Variants in HGF observed in about 807,000 individuals in gnomAD.
HGF encodes the protein hepatocyte growth factor, also known as fibroblast-derived tumor cytotoxic factor.
HGF carries 39 observed loss-of-function variants against 111.6 expected under a neutral mutation model. That is an observed-to-expected ratio of 0.35 (90% CI 0.27 to 0.46). The LOEUF (loss-of-function observed/expected upper bound fraction) is 0.46, where lower values mean the gene tolerates loss of function less well. HGF is among the 20% of genes least tolerant of loss of function. The pLI is 1.00. For missense variants in HGF, 735 were observed against 910.5 expected (o/e 0.81, Z 2.48); for synonymous variants, 285 against 294.8 (o/e 0.97, Z 0.34).
In HGF at chr7:81,711,496, T is replaced by C; in HGVS notation, c.1429A>G (p.Ile477Val). The change falls in exon 12 of 18, where the codon ATA becomes GTA. Residue 477 changes from isoleucine (I) to valine (V), a missense_variant. This residue lies in a region of HGF where 553 missense variants were observed against 685.6 expected (regional missense o/e 0.81). Transcript: ENST00000222390. ...TATTACTTACGGTCTAAATTGACTA[T>C]TGTAGGTGTGGTATCACCTTCACCT... ...SRCEGDTTPTIVNLDHPVISC... is the reference protein window; with the variant it reads ...SRCEGDTTPTVVNLDHPVISC... The C allele has an allele frequency of 6.8e-7, 1 of 1,461,646 alleles. No homozygotes were observed. The highest frequency in any genetic ancestry group is 9.5e-7 in the Non-Finnish European group (1 of 1,051,302). 90.5% of individuals were successfully genotyped at this position (1,461,646 alleles called of 1,614,324 possible).
intron 7 of HGF, among the ~76,000 whole-genome samples, chr7:81,738,124 G>A (rs571642204): frequency 6.6e-6 from 1 of 152,070 alleles, no homozygotes; most frequent in African/African-American, 2.4e-5. Context: ...TAACTAATGG[G>A]TACTAAGTTT....
Position 81,757,213 on chromosome 7 carries a change from C to A in HGF, c.458G>T (p.Ser153Ile). The change falls in exon 4 of 18, where the codon AGT (serine) becomes ATT (isoleucine). Residue 153 changes from serine to isoleucine, a missense_variant. Ser to Ile is a moderately radical substitution (Grantham distance 142). This residue lies in a region of HGF where 553 missense variants were observed against 685.6 expected (regional missense o/e 0.81). Coordinates refer to ENST00000222390, the MANE Select transcript of HGF (RefSeq NM_000601.6). The stretch of plus-strand genomic sequence containing the variant: ...CCTGTGTTCGTGTGGTATCATGGAA[C>A]TCCAGGGCTGACATTTGATGCCACT... ...TKSGIKCQPW[S>I]SMIPHEHSFL... 2 of 1,594,078 alleles carry A rather than the reference C, an allele frequency of 1.3e-6. No individual in the cohort carries two copies. Among genetic ancestry groups the A allele is most frequent in the Admixed American group, 3.3e-5 (2 of 59,990 alleles).
intron 8 of HGF, among the ~76,000 whole-genome samples, chr7:81,726,231 T>A (rs1790006494): frequency 6.6e-6 from 1 of 152,204 alleles, no homozygotes; most frequent in Non-Finnish European, 1.5e-5. Context: ...TTAATATTTT[T>A]TTCCTTCCAC....
At chr7:81,762,646 A>G (rs1584014830) in intron 2 of HGF, 61 bp downstream of exon 2, 1 of 1,184,676 alleles carries the variant, frequency 8.4e-7, no homozygotes, top group East Asian at 2.3e-5. Flanking sequence ...AAGACACATG[A>G]TTATAATACA....
chr7:81,725,846 C>G (rs752718077), intron 9 of HGF, 44 bp downstream of exon 9: 5 of 1,606,984 alleles, frequency 3.1e-6, no homozygotes, highest in Non-Finnish European at 4.3e-6. Context: ...TAGGCATTTC[C>G]CCTGAATTTA....
At chr7:81,735,370 A>G (rs1178793691) in intron 7 of HGF, among the ~76,000 whole-genome samples, 1 of 152,094 alleles carries the variant, frequency 6.6e-6, no homozygotes, top group Non-Finnish European at 1.5e-5. Flanking sequence ...AGAGACATCC[A>G]AGTAAAAGAT....
In HGF at chr7:81,752,279, A is replaced by C; in HGVS notation, c.483-17T>G. 1 of 1,611,928 alleles carries C rather than the reference A, an allele frequency of 6.2e-7. No homozygotes were observed. Among genetic ancestry groups the C allele is most frequent in the Admixed American group, 1.7e-5 (1 of 59,968 alleles). On this transcript the variant is annotated splice_polypyrimidine_tract_variant and intron_variant, in intron 4 of 17. Transcript: ENST00000222390. ...GGCAAAAAGCTAGTTTTAAAATGATAATCATTACAGTATAAGAGCATGCAA... is the reference window on the plus strand; with the variant it reads ...GGCAAAAAGCTAGTTTTAAAATGATCATCATTACAGTATAAGAGCATGCAA...
Position 81,743,417 on chromosome 7 carries a change from C to G in HGF, c.801G>C (p.Pro267=), listed in dbSNP as rs1788088901. 2 of 1,613,734 alleles carry G rather than the reference C, an allele frequency of 1.2e-6. No individual in the cohort carries two copies. The highest frequency in any genetic ancestry group is 3.3e-5 in the Admixed American group (2 of 59,992). ...DNYCRNPDGQ[P]RPWCYTLDPH... Reference sequence around the variant, plus strand: ...GGTCAAGAGTATAGCACCATGGCCTCGGCTGGCCATCGGGATTGCGGCAAT... The same window carrying G: ...GGTCAAGAGTATAGCACCATGGCCTGGGCTGGCCATCGGGATTGCGGCAAT... Residue 267 remains proline (P), a synonymous_variant, in exon 7 of 18, where the codon CCG becomes CCC. Coordinates refer to ENST00000222390, the MANE Select transcript of HGF (RefSeq NM_000601.6).
chr7:81,767,234 A>AT (rs935083006), intron 1 of HGF, among the ~76,000 whole-genome samples: 17 of 151,686 alleles, frequency 1.1e-4, no homozygotes, highest in East Asian at 5.8e-4. Flanking sequence ...TGGCCAAATG[A>AT]TTTTTTTTAA....
intron 6 of HGF, among the ~76,000 whole-genome samples, chr7:81,744,030 A>G (rs377706305): frequency 1.4e-4 from 22 of 152,222 alleles, no homozygotes; most frequent in African/African-American, 5.3e-4. Flanking sequence ...TTGCTACCAT[A>G]TCCCTTCTGC....
intron 7 of HGF, 53 bp from the exon 8 acceptor site, chr7:81,729,832 G>C: frequency 1.3e-6 from 2 of 1,551,676 alleles, no homozygotes; most frequent in Non-Finnish European, 1.8e-6. Context: ...CTTTGAAGAT[G>C]TCATTTGCCT....
chr7:81,727,387 A>G (rs1321331665), intron 8 of HGF, among the ~76,000 whole-genome samples: 1 of 152,076 alleles, frequency 6.6e-6, no homozygotes, highest in Admixed American at 6.6e-5. Context: ...TGGGTTAGAA[A>G]GTCAATAAGT....
intron 7 of HGF, among the ~76,000 whole-genome samples, chr7:81,734,643 C>G (rs1787766905): frequency 6.6e-6 from 1 of 152,036 alleles, no homozygotes; most frequent in Non-Finnish European, 1.5e-5. Context: ...AAAAAAAAAT[C>G]TGATTACTTC....
chr7:81,755,146 A>G (rs1788697885), intron 4 of HGF: 1 of 152,102 alleles, frequency 6.6e-6, no homozygotes, highest in African/African-American at 2.4e-5. Flanking sequence ...ATACAGATGT[A>G]GATATCAGGT....
chr7:81,760,726 T>C (rs1475940356), intron 2 of HGF, among the ~76,000 whole-genome samples: 2 of 141,270 alleles, frequency 1.4e-5, no homozygotes, highest in African/African-American at 5.3e-5. Context: ...TGTGTGTGAA[T>C]GAGGAGGATT....
At chr7:81,711,060 C>T (rs1317724800) in intron 12 of HGF, among the ~76,000 whole-genome samples, 3 of 152,168 alleles carry the variant, frequency 2.0e-5, no homozygotes, top group African/African-American at 7.2e-5. Flanking sequence ...GACTGTAGGG[C>T]ATGCAGAGAA....
intron 5 of HGF, chr7:81,750,852 T>C (rs1402325379): frequency 1.7e-6 from 1 of 583,656 alleles, no homozygotes; most frequent in Admixed American, 6.4e-5. Context: ...TTAAGACAAA[T>C]ATTAATTCGT....
intron 7 of HGF, among the ~76,000 whole-genome samples, chr7:81,730,196 C>A (rs566866445): frequency 2.1e-4 from 32 of 152,116 alleles, no homozygotes; most frequent in Middle Eastern, 3.2e-3. Context: ...TGCCTGTAAT[C>A]CCAGCACTTT....
At chr7:81,712,631 G>C (rs1194855428) in intron 11 of HGF, among the ~76,000 whole-genome samples, 1 of 152,160 alleles carries the variant, frequency 6.6e-6, no homozygotes, top group Non-Finnish European at 1.5e-5. Context: ...TAATGAATGA[G>C]ACACAAGACA....
Sources: gnomAD v4.1 joint callset for allele counts (sites outside exome capture counted in the v4.1 genomes callset) on GRCh38, gnomAD v4.1.1 for gene constraint, gnomAD v4.1.1 regional missense constraint, MANE v1.5 for transcripts, NCBI Gene and HGNC (gene_info 2026-07-23, HGNC 2026-07-21) for gene names.